Variants in BRIP1 observed in about 807,000 individuals in gnomAD.
BRIP1 encodes BRCA1 interacting DNA helicase 1, also known as Fanconi anemia group J protein.
Under a neutral mutation model 119.7 loss-of-function variants are expected in BRIP1, and 88 were observed. The observed-to-expected ratio is 0.74, with a 90% CI of 0.62 to 0.88. BRIP1 has a LOEUF of 0.88. Ranked by LOEUF, BRIP1 falls within the 40% of genes least tolerant of loss-of-function variation. BRIP1 has a pLI of 0.00. For missense variants in BRIP1, 1,259 were observed against 1,455.4 expected, an observed-to-expected ratio of 0.87 and a Z score of 2.20; for synonymous variants, 443 against 496.5, an observed-to-expected ratio of 0.89 and a Z score of 1.43.
intron 6 of BRIP1, among the ~76,000 whole-genome samples, chr17:61,811,600 A>G (rs992077613): frequency 6.6e-6 from 1 of 152,114 alleles, no homozygotes; most frequent in African/African-American, 2.4e-5. Flanking sequence ...TTCCCTTTGC[A>G]TTATTAAACA....
At chr17:61,786,354 G>T (rs930972889) in intron 10 of BRIP1, among the ~76,000 whole-genome samples, 2 of 151,922 alleles carry the variant, frequency 1.3e-5, no homozygotes, top group African/African-American at 4.8e-5. Flanking sequence ...TTTAAATGTG[G>T]TTAAATATCA....
At chr17:61,741,202 C>A (rs2144659115) in intron 16 of BRIP1, among the ~76,000 whole-genome samples, 1 of 152,288 alleles carries the variant, frequency 6.6e-6, no homozygotes, top group Middle Eastern at 3.4e-3. Context: ...TTCAAGTGTC[C>A]TCATGAGATT....
rs2078900410 is a variant in BRIP1, at chr17:61,856,677, C to T, written c.379+381G>A. ...AGGATACTGGCCTCAGAAGGCCAGG[C>T]AAACTTATCAAGAATGAATCAATGA... On this transcript the variant is annotated intron_variant, in intron 4 of 19. Transcript: ENST00000259008. The surrounding 1 kb of genome is among the most constrained non-coding windows in gnomAD (Gnocchi z 5.1). Among the ~76,000 whole-genome samples the T allele has an allele frequency of 6.6e-6, 1 of 152,138 alleles. No homozygotes were observed. Among genetic ancestry groups the T allele is most frequent in the South Asian group, 2.1e-4 (1 of 4,828 alleles).
chr17:61,729,372 CATA>C lies in BRIP1; in HGVS notation c.2380-13312_2380-13310del, dbSNP rs2076813724. Among the ~76,000 whole-genome samples the C allele has an allele frequency of 6.6e-6, 1 of 152,022 alleles. No homozygotes were observed. Among genetic ancestry groups the C allele is most frequent in the East Asian group, 1.9e-4 (1 of 5,190 alleles). The stretch of plus-strand genomic sequence containing the variant: ...GTATTTTCATAGTCATGATAATGTA[CATA>C]ATAACTATAGATTTAATTAAAAATT... On this transcript the variant is annotated intron_variant, in intron 16 of 19. Coordinates refer to ENST00000259008, the MANE Select transcript of BRIP1 (RefSeq NM_032043.3). This position sits in a 1 kb window ranked among gnomAD's most constrained non-coding sequence, Gnocchi z 5.6.
rs2078433188 is a variant in BRIP1, at chr17:61,827,876, C to T, written c.628-19119G>A. On this transcript the variant is annotated intron_variant, in intron 6 of 19. Transcript: ENST00000259008. This position sits in a 1 kb window ranked among gnomAD's most constrained non-coding sequence, Gnocchi z 5.8. ...TACCACTTCACACCCTTAAAAATGG[C>T]TATTCTTTAAAAAGGACAACAAAAC... 6.6e-6 allele frequency among the ~76,000 whole-genome samples: 1 copy of T among 152,136 alleles called. No individual in the cohort carries two copies. The highest frequency in any genetic ancestry group is 2.1e-4 in the South Asian group (1 of 4,826).
In BRIP1 at chr17:61,683,130, C is replaced by CAAAAAAAAAAAAAA. The variant is rs111519368; in HGVS notation, c.*165_*166insTTTTTTTTTTTTTT. On this transcript the variant is annotated 3_prime_UTR_variant, in exon 20 of 20. Coordinates refer to ENST00000259008, the MANE Select transcript of BRIP1 (RefSeq NM_032043.3). This position sits in a 1 kb window ranked among gnomAD's most constrained non-coding sequence, Gnocchi z 4.7. Reference sequence around the variant, plus strand: ...TGGGCAACAGACCAAGACTCTGTCTCAAAAAAAAAAACCCAAAAACTCAAG... The same window carrying CAAAAAAAAAAAAAA: ...TGGGCAACAGACCAAGACTCTGTCTCAAAAAAAAAAAAAAAAAAAAAAAAACCCAAAAACTCAAG... 14 of 754,740 alleles carry CAAAAAAAAAAAAAA rather than the reference C, an allele frequency of 1.9e-5. No individual in the cohort carries two copies. In the African/African-American group the frequency reaches 2.2e-4, roughly 12 times the overall value. 46.8% of individuals were successfully genotyped at this position (754,740 alleles called of 1,614,324 possible).
rs536213277 is a variant in BRIP1, at chr17:61,767,301, T to C, written c.2097+9100A>G. On this transcript the variant is annotated intron_variant, in intron 14 of 19. Transcript: ENST00000259008. The surrounding 1 kb of genome is among the most constrained non-coding windows in gnomAD (Gnocchi z 5.7). ...GACATATATTTTTCTTTTTTAGAGA[T>C]AGGGTCTTGCTATTGGCCAAGCTGG... Among the ~76,000 whole-genome samples, 1 of 152,190 alleles carries C rather than the reference T, an allele frequency of 6.6e-6. No homozygotes were observed. The highest frequency in any genetic ancestry group is 6.5e-5 in the Admixed American group (1 of 15,282).
intron 17 of BRIP1, among the ~76,000 whole-genome samples, chr17:61,698,930 T>A (rs538685770): frequency 6.6e-6 from 1 of 152,250 alleles, no homozygotes; most frequent in South Asian, 2.1e-4. Flanking sequence ...TTACCTAGGC[T>A]AGTCTTGAAC....
chr17:61,753,275 A>G lies in BRIP1; in HGVS notation c.2098-8684T>C, dbSNP rs1474326798. On this transcript the variant is annotated intron_variant, in intron 14 of 19. Coordinates refer to ENST00000259008, the MANE Select transcript of BRIP1 (RefSeq NM_032043.3). The surrounding 1 kb of genome is among the most constrained non-coding windows in gnomAD (Gnocchi z 4.6). The stretch of plus-strand genomic sequence containing the variant: ...GCAAGAAATAAATTCCTTTTAAAAA[A>G]TAAATCACCCAGTTTCAGGTAGTCT... Among the ~76,000 whole-genome samples, 1 of 152,198 alleles carries G rather than the reference A, an allele frequency of 6.6e-6. No individual in the cohort carries two copies. Among genetic ancestry groups the G allele is most frequent in the Non-Finnish European group, 1.5e-5 (1 of 68,032 alleles).
Position 61,739,276 on chromosome 17 carries a change from T to C in BRIP1, c.2379+3737A>G. On this transcript the variant is annotated intron_variant, in intron 16 of 19. Coordinates refer to ENST00000259008, the MANE Select transcript of BRIP1 (RefSeq NM_032043.3). The surrounding 1 kb of genome is among the most constrained non-coding windows in gnomAD (Gnocchi z 6.0). The stretch of plus-strand genomic sequence containing the variant: ...TGGAATGCAGCACCAATGCTGTTGA[T>C]GGTGACAGTAGATTTCTTGGGTAGA... The C allele has an allele frequency of 5.0e-6, 1 of 200,334 alleles. No individual in the cohort carries two copies. 12.4% of individuals were successfully genotyped at this position (200,334 alleles called of 1,614,324 possible).
rs562756405 is a variant in BRIP1, at chr17:61,735,635, A to AC, written c.2379+7377_2379+7378insG. The stretch of plus-strand genomic sequence containing the variant: ...AAGATCCTGCCTCTACAAAAAAAAA[A>AC]AAACCACGTTTAAAAATTAGCTGGG... On this transcript the variant is annotated intron_variant, in intron 16 of 19. Transcript: ENST00000259008. The surrounding 1 kb of genome is among the most constrained non-coding windows in gnomAD (Gnocchi z 4.4). Among the ~76,000 whole-genome samples the AC allele has an allele frequency of 8.3e-4, 126 of 152,060 alleles. 1 individual carries two copies. The highest frequency in any genetic ancestry group is 2.8e-3 in the African/African-American group (115 of 41,478).
intron 17 of BRIP1, among the ~76,000 whole-genome samples, chr17:61,697,178 T>G (rs2061538639): frequency 6.7e-6 from 1 of 149,286 alleles, no homozygotes; most frequent in African/African-American, 2.5e-5. Context: ...ACCCCGTCTC[T>G]TCTAAAAATG....
In BRIP1 at chr17:61,757,218, G is replaced by A. The variant is rs182095690; in HGVS notation, c.2098-12627C>T. Among the ~76,000 whole-genome samples the A allele has an allele frequency of 6.6e-6, 1 of 152,064 alleles. No homozygotes were observed. The highest frequency in any genetic ancestry group is 1.9e-4 in the East Asian group (1 of 5,188). The stretch of plus-strand genomic sequence containing the variant: ...GTAAAAATGAATGTCCTTAATTTTT[G>A]CTAAATACAAACTGAAAATATAAGA... On this transcript the variant is annotated intron_variant, in intron 14 of 19. Transcript: ENST00000259008. The surrounding 1 kb of genome is among the most constrained non-coding windows in gnomAD (Gnocchi z 4.3).
In BRIP1 at chr17:61,780,768, G is replaced by A. The variant is rs2145087749; in HGVS notation, c.1794+72C>T. The A allele has an allele frequency of 6.7e-7, 1 of 1,492,754 alleles. No homozygotes were observed. Among genetic ancestry groups the A allele is most frequent in the Non-Finnish European group, 9.3e-7 (1 of 1,070,594 alleles). The allele number at this position is 1,492,754 out of a possible 1,614,324, so 92.5% of individuals were successfully genotyped here. ...CAACAACAAACAACTATCTTTAAAA[G>A]AGTCAACCACATTTATTAAAATGCT... On this transcript the variant is annotated intron_variant, in intron 12 of 19. Transcript: ENST00000259008. This position sits in a 1 kb window ranked among gnomAD's most constrained non-coding sequence, Gnocchi z 5.4.
chr17:61,785,709 T>TG (rs1467075044), intron 10 of BRIP1, among the ~76,000 whole-genome samples: 1 of 152,088 alleles, frequency 6.6e-6, no homozygotes, highest in African/African-American at 2.4e-5. Context: ...TTTTGAAAAA[T>TG]GAAGTCCCCT....
rs1170289935 is a variant in BRIP1 at position 61,815,330 on chromosome 17, C to T, written c.628-6573G>A. On this transcript the variant is annotated intron_variant, in intron 6 of 19. Coordinates refer to ENST00000259008, the MANE Select transcript of BRIP1 (RefSeq NM_032043.3). This position sits in a 1 kb window ranked among gnomAD's most constrained non-coding sequence, Gnocchi z 4.1. The stretch of plus-strand genomic sequence containing the variant: ...TGTGTGCATTTTTAGAAAGTGAACC[C>T]CTAACTTTAATCAAGTGCTCAAAGC... Among the ~76,000 whole-genome samples, 1 of 152,124 alleles carries T rather than the reference C, an allele frequency of 6.6e-6. No individual in the cohort carries two copies. Among genetic ancestry groups the T allele is most frequent in the Admixed American group, 6.6e-5 (1 of 15,264 alleles).
Position 61,725,550 on chromosome 17 carries a change from A to G in BRIP1, c.2380-9487T>C, listed in dbSNP as rs374082500. ...TATAAAAATATAACCAGTTTTTCCT[A>G]TTAAAAAGTTAATACTCTAAGACAT... is the stretch of plus-strand genomic sequence containing the variant. On this transcript the variant is annotated intron_variant, in intron 16 of 19. Coordinates refer to ENST00000259008, the MANE Select transcript of BRIP1 (RefSeq NM_032043.3). The surrounding 1 kb of genome is among the most constrained non-coding windows in gnomAD (Gnocchi z 5.3). 7.9e-5 allele frequency among the ~76,000 whole-genome samples: 12 copies of G among 152,266 alleles called. No homozygotes were observed. In the East Asian group the frequency reaches 2.3e-3, roughly 29 times the overall value.
Position 61,830,801 on chromosome 17 carries a change from A to G in BRIP1, c.627+16300T>C, listed in dbSNP as rs898015434. The stretch of plus-strand genomic sequence containing the variant: ...ATAAAGCCAACATTACCTTGATATC[A>G]AAGCCAGATAAAGACATTACAGAAA... On this transcript the variant is annotated intron_variant, in intron 6 of 19. Coordinates refer to ENST00000259008, the MANE Select transcript of BRIP1 (RefSeq NM_032043.3). Among the ~76,000 whole-genome samples the G allele has an allele frequency of 3.3e-5, 5 of 152,324 alleles. No individual in the cohort carries two copies. The East Asian group carries it at 9.6e-4, about 29-fold the overall frequency.
At chr17:61,772,457 A>T (rs1350768895) in intron 14 of BRIP1, among the ~76,000 whole-genome samples, 1 of 151,874 alleles carries the variant, frequency 6.6e-6, no homozygotes, top group African/African-American at 2.4e-5. Flanking sequence ...TGGTATGATG[A>T]AAGGTTCTGA....
Sources: allele counts gnomAD v4.1 joint callset (sites outside exome capture counted in the v4.1 genomes callset), GRCh38; gene constraint gnomAD v4.1.1; non-coding constraint Gnocchi (gnomAD v3.1); transcripts MANE v1.5; gene names NCBI Gene and HGNC (gene_info 2026-07-23, HGNC 2026-07-21).